Variants in ATOSA observed in about 807,000 individuals in gnomAD.
The protein encoded by ATOSA is atos homolog A.
the ATOSA span, chr15:52,609,416 C>T: frequency 1.2e-6 from 2 of 1,613,738 alleles, no homozygotes; most frequent in Non-Finnish European, 1.7e-6. Context: ...ATATGTGATG[C>T]TGTTGGATCA....
the ATOSA span, among the ~76,000 whole-genome samples, chr15:52,669,750 ATATGAGT>A: frequency 6.6e-6 from 1 of 152,246 alleles, no homozygotes; most frequent in African/African-American, 2.4e-5. Flanking sequence ...CTGACAAGCA[ATATGAGT>A]TATGATTAGA....
chr15:52,666,185 T>C, the ATOSA span, among the ~76,000 whole-genome samples: 2 of 152,230 alleles, frequency 1.3e-5, no homozygotes, highest in Non-Finnish European at 2.9e-5. Context: ...AGAAGAAAAA[T>C]TCCCTACTAT....
At chr15:52,596,890 T>C in the ATOSA span, among the ~76,000 whole-genome samples, 1 of 152,222 alleles carries the variant, frequency 6.6e-6, no homozygotes, top group Non-Finnish European at 1.5e-5. Flanking sequence ...ACAGCCAAAC[T>C]TCAGACTTGG....
chr15:52,671,577 A>G, the ATOSA span, among the ~76,000 whole-genome samples: 11 of 152,328 alleles, frequency 7.2e-5, no homozygotes, highest in Non-Finnish European at 1.3e-4. Context: ...GAGACAGACA[A>G]TAAACAAAAG....
the ATOSA span, among the ~76,000 whole-genome samples, chr15:52,658,983 TCAAAAAA>T: frequency 2.6e-5 from 4 of 151,972 alleles, no homozygotes; most frequent in South Asian, 8.3e-4. Context: ...AGAACCTGTC[TCAAAAAA>T]CAAAAAAAGA....
the ATOSA span, among the ~76,000 whole-genome samples, chr15:52,668,661 T>G: frequency 6.6e-6 from 1 of 152,206 alleles, no homozygotes; most frequent in Admixed American, 6.5e-5. Flanking sequence ...AACATCATAC[T>G]GGACTTCATA....
At chr15:52,611,002 C>A in the ATOSA span, 1 of 1,115,762 alleles carries the variant, frequency 9.0e-7, no homozygotes, top group Non-Finnish European at 1.2e-6. Flanking sequence ...TTTGAAAAAC[C>A]TCAGTAAATT....
chr15:52,696,112 A>T, the ATOSA span, among the ~76,000 whole-genome samples: 1 of 152,114 alleles, frequency 6.6e-6, no homozygotes, highest in East Asian at 1.9e-4. Context: ...TGCTCTGTTG[A>T]AATTAGGTGA....
the ATOSA span, among the ~76,000 whole-genome samples, chr15:52,691,510 G>T: frequency 6.6e-6 from 1 of 152,192 alleles, no homozygotes; most frequent in Non-Finnish European, 1.5e-5. Context: ...TGGCCTTAAG[G>T]AAACTATAAA....
chr15:52,622,789 GA>G, the ATOSA span, among the ~76,000 whole-genome samples: 1 of 151,950 alleles, frequency 6.6e-6, no homozygotes, highest in African/African-American at 2.4e-5. Context: ...GAAGGTGAAT[GA>G]GGCTGAAATT....
chr15:52,623,291 C>T, the ATOSA span, among the ~76,000 whole-genome samples: 216 of 152,124 alleles, frequency 1.4e-3, 3 homozygotes, highest in South Asian at 0.012. Flanking sequence ...AATGCATTTA[C>T]ATTTTAAAAT....
At chr15:52,613,745 G>A in the ATOSA span, 10 of 1,613,780 alleles carry the variant, frequency 6.2e-6, no homozygotes, top group Non-Finnish European at 6.8e-6. Context: ...GGCAATGAAA[G>A]CTTTCTGTTC....
the ATOSA span, among the ~76,000 whole-genome samples, chr15:52,633,533 A>C: frequency 1.3e-5 from 2 of 152,296 alleles, no homozygotes; most frequent in East Asian, 3.9e-4. Flanking sequence ...AAGAAAGAGA[A>C]GGGGAGGTTC....
the ATOSA span, among the ~76,000 whole-genome samples, chr15:52,592,080 T>A: frequency 6.6e-6 from 1 of 152,184 alleles, no homozygotes; most frequent in Non-Finnish European, 1.5e-5. Context: ...AGGCCACATA[T>A]AGGTTCCTAA....
the ATOSA span, chr15:52,582,402 G>A: frequency 1.9e-6 from 2 of 1,064,094 alleles, no homozygotes; most frequent in Non-Finnish European, 2.6e-6. Flanking sequence ...AACAAATCTT[G>A]CTACAATATT....
chr15:52,608,071 G>A, the ATOSA span, among the ~76,000 whole-genome samples: 1 of 151,318 alleles, frequency 6.6e-6, no homozygotes, highest in Non-Finnish European at 1.5e-5. Flanking sequence ...ATTTTTTTTT[G>A]TAGAGACAGA....
the ATOSA span, among the ~76,000 whole-genome samples, chr15:52,640,896 C>A: frequency 6.6e-6 from 1 of 151,790 alleles, no homozygotes; most frequent in Non-Finnish European, 1.5e-5. Context: ...GAAGGTTCAT[C>A]AAAAAATTAA....
the ATOSA span, among the ~76,000 whole-genome samples, chr15:52,589,913 G>A: frequency 1.3e-5 from 2 of 151,440 alleles, no homozygotes; most frequent in East Asian, 3.9e-4. Context: ...TCAGCCTCCC[G>A]AGTAGCTGGG....
At chr15:52,634,540 A>ATT in the ATOSA span, among the ~76,000 whole-genome samples, 6 of 147,704 alleles carry the variant, frequency 4.1e-5, no homozygotes, top group Non-Finnish European at 9.0e-5. Context: ...GTGAGATTAG[A>ATT]TTTTTTTTTT....
Sources: gnomAD v4.1 joint callset for allele counts (sites outside exome capture counted in the v4.1 genomes callset) on GRCh38, gnomAD v4.1.1 for gene constraint, MANE v1.5 for transcripts, NCBI Gene and HGNC (gene_info 2026-07-23, HGNC 2026-07-21) for gene names.